SLC25A53: variants seen among roughly 807,000 people sequenced by gnomAD.
The protein encoded by SLC25A53 is mitochondrial carrier triple repeat protein 6.
SLC25A53 carries 5 observed loss-of-function variants against 15.0 expected under a neutral mutation model. The ratio of observed to expected loss-of-function variants is 0.33; its 90% CI spans 0.17 to 0.70. The LOEUF (loss-of-function observed/expected upper bound fraction) is 0.70. Ranked by LOEUF, SLC25A53 falls within the 30% of genes least tolerant of loss-of-function variation. The probability of loss-of-function intolerance (pLI) is 0.67; values close to 1 mark genes in which losing one functional copy is unlikely to be tolerated. For synonymous variants in SLC25A53, 95 were observed against 100.0 expected, an observed-to-expected ratio of 0.95 and a Z score of 0.30; for missense variants, 216 against 241.6, an observed-to-expected ratio of 0.89 and a Z score of 0.70.
At chrX:104,105,360 T>TA in intron 1 of SLC25A53, 72 bp from the exon 2 acceptor site, 1 of 744,992 alleles carries the variant, frequency 1.3e-6, no homozygotes, top group Non-Finnish European at 1.9e-6. Flanking sequence ...ATTGCTTAAT[T>TA]AGAAATGAAC....
chrX:104,116,955 T>A (rs73243852), intron 1 of SLC25A53, among the ~76,000 whole-genome samples: 121 of 95,538 alleles, frequency 1.3e-3, no homozygotes, highest in Non-Finnish European at 2.3e-3. Flanking sequence ...TCCTATCCCC[T>A]CTGCTCAATC....
chrX:104,127,908 G>C (rs1217374742), intron 1 of SLC25A53, among the ~76,000 whole-genome samples: 1 of 111,129 alleles, frequency 9.0e-6, no homozygotes, highest in Non-Finnish European at 1.9e-5. Flanking sequence ...AGATTGCAGT[G>C]AGCTGAGATC....
intron 1 of SLC25A53, among the ~76,000 whole-genome samples, chrX:104,156,520 A>C (rs1487611615): frequency 9.0e-6 from 1 of 110,823 alleles, no homozygotes; most frequent in Non-Finnish European, 1.9e-5. Flanking sequence ...TTTCCAATAA[A>C]ATCATCCTGC....
Position 104,132,853 on chromosome X carries a change from G to A in SLC25A53, c.-32+24025C>T, listed in dbSNP as rs950253281. ...TTCCACAGCAGCTGAAAACTGTGGG[G>A]ATAAAATCTTGGAATGGAGAGAGCC... On this transcript the variant is annotated intron_variant, in intron 1 of 1. Coordinates refer to ENST00000594199, the MANE Select transcript of SLC25A53 (RefSeq NM_001012755.5). 3.6e-5 allele frequency among the ~76,000 whole-genome samples: 4 copies of A among 111,763 alleles called. No individual in the cohort carries two copies. The East Asian group carries it at 8.5e-4, about 24-fold the overall frequency.
rs2075280644 is a variant in SLC25A53, at chrX:104,101,536, G to C, written c.*2798C>G. 8.9e-6 allele frequency: 1 copy of C among 112,433 alleles called. No individual in the cohort carries two copies. The highest frequency in any genetic ancestry group is 1.9e-5 in the Non-Finnish European group (1 of 53,347). 9.3% of individuals were successfully genotyped at this position (112,433 alleles called of 1,213,427 possible). On this transcript the variant is annotated 3_prime_UTR_variant, in exon 2 of 2. Transcript: ENST00000594199. ...TTTGGAAATTCTAAGGATTTTAGGA[G>C]TTGTATGCCAAGAAACAGGATCAAA...
chrX:104,099,339 T>C lies in SLC25A53; in HGVS notation c.*4995A>G, dbSNP rs1240217296. ...TATCCCAATTACCTTGATTTAATCA[T>C]TACACATTGTACACATGTATCAAAA... On this transcript the variant is annotated 3_prime_UTR_variant, in exon 2 of 2. Transcript: ENST00000594199. 2 of 112,283 alleles carry C rather than the reference T, an allele frequency of 1.8e-5. No homozygotes were observed. The highest frequency in any genetic ancestry group is 3.8e-5 in the Non-Finnish European group (2 of 53,243). 9.3% of individuals were successfully genotyped at this position (112,283 alleles called of 1,213,427 possible). A position where few individuals can be genotyped will look rare whatever the true frequency, so the allele number is the denominator to read the frequency against.
intron 1 of SLC25A53, among the ~76,000 whole-genome samples, chrX:104,121,906 T>C (rs201843010): frequency 3.1e-5 from 1 of 31,903 alleles, no homozygotes; most frequent in Admixed American, 3.4e-4. Flanking sequence ...TATATATATA[T>C]ATATATATAT....
intron 1 of SLC25A53, among the ~76,000 whole-genome samples, chrX:104,111,520 A>AT (rs2075343672): frequency 9.0e-6 from 1 of 111,722 alleles, no homozygotes; most frequent in South Asian, 3.8e-4. Context: ...AAAAAGATTA[A>AT]TAAAAAAAAT....
intron 1 of SLC25A53, among the ~76,000 whole-genome samples, chrX:104,149,212 T>C (rs1181997233): frequency 3.6e-5 from 4 of 112,444 alleles, no homozygotes; most frequent in Non-Finnish European, 7.5e-5. Context: ...TTCAATCCTT[T>C]TATGTTAACC....
At chrX:104,151,469 ACTTGATGCAAGGACT>A (rs2075484594) in intron 1 of SLC25A53, among the ~76,000 whole-genome samples, 1 of 111,623 alleles carries the variant, frequency 9.0e-6, no homozygotes, top group Admixed American at 9.6e-5. Flanking sequence ...GTTCTCACTC[ACTTGATGCAAGGACT>A]CTTACCCTCA....
intron 1 of SLC25A53, among the ~76,000 whole-genome samples, chrX:104,152,499 G>A (rs782671935): frequency 1.3e-4 from 14 of 110,237 alleles, no homozygotes; most frequent in Admixed American, 9.7e-4. Flanking sequence ...GTACAATGGC[G>A]CGATCTCGGC....
Position 104,105,095 on chromosome X carries a change from G to T in SLC25A53, c.163C>A (p.Gln55Lys). 8.2e-7 allele frequency: 1 copy of T among 1,212,259 alleles called. No homozygotes were observed. The highest frequency in any genetic ancestry group is 1.1e-6 in the Non-Finnish European group (1 of 895,658). ...TFPIYKVVFR[Q>K]QIHAMAVSEA... is the part of the protein sequence containing the mutation. ...GACACTGCCATGGCATGGATCTGTT[G>T]CCGGAACACAACCTTATAGATAGGA... Residue 55 changes from glutamine (Q) to lysine (K), a missense_variant, in exon 2 of 2, where the codon CAA becomes AAA. Gln to Lys is a moderately conservative substitution (Grantham distance 53). Coordinates refer to ENST00000594199, the MANE Select transcript of SLC25A53 (RefSeq NM_001012755.5).
intron 1 of SLC25A53, chrX:104,114,560 T>C: frequency 8.3e-7 from 1 of 1,211,691 alleles, no homozygotes; most frequent in Non-Finnish European, 1.1e-6. Context: ...CTTTATGTGA[T>C]CCGTTTAGAG....
At chrX:104,121,780 T>C (rs1164146472) in intron 1 of SLC25A53, among the ~76,000 whole-genome samples, 1 of 103,504 alleles carries the variant, frequency 9.7e-6, no homozygotes, top group Non-Finnish European at 2.0e-5. Context: ...TCATTCAGCT[T>C]CAAGAATTAT....
chrX:104,138,018 C>T (rs1267307888), intron 1 of SLC25A53, among the ~76,000 whole-genome samples: 2 of 112,251 alleles, frequency 1.8e-5, no homozygotes, highest in East Asian at 2.8e-4. Flanking sequence ...AATTTCAGAA[C>T]GCATTCAAAA....
chrX:104,148,050 C>G lies in SLC25A53; in HGVS notation c.-32+8828G>C, dbSNP rs1319257822. Among the ~76,000 whole-genome samples the G allele has an allele frequency of 9.1e-4, 101 of 110,969 alleles. 1 individual carries two copies. The highest frequency in any genetic ancestry group is 2.8e-4 in the Non-Finnish European group (15 of 52,956). ...ACAATAGCAAAGACTTGGAACCAAC[C>G]CAAATGTCCAACAATGATAGACTGG... On this transcript the variant is annotated intron_variant, in intron 1 of 1. Coordinates refer to ENST00000594199, the MANE Select transcript of SLC25A53 (RefSeq NM_001012755.5).
intron 1 of SLC25A53, among the ~76,000 whole-genome samples, chrX:104,144,931 G>A (rs1396032805): frequency 9.0e-6 from 1 of 111,417 alleles, no homozygotes; most frequent in East Asian, 2.8e-4. Flanking sequence ...GGATATCCAG[G>A]ACTTGAACTC....
chrX:104,114,669 G>A, intron 1 of SLC25A53: 1 of 1,211,939 alleles, frequency 8.3e-7, no homozygotes, highest in Non-Finnish European at 1.1e-6. Context: ...AGCTGAATAG[G>A]GACCTGCGCT....
At chrX:104,155,336 G>A (rs1307741380) in intron 1 of SLC25A53, among the ~76,000 whole-genome samples, 3 of 110,654 alleles carry the variant, frequency 2.7e-5, no homozygotes, top group Non-Finnish European at 3.8e-5. Context: ...ATGGCCCCAT[G>A]TCCAGGAGTA....
Sources: gnomAD v4.1 joint callset for allele counts (sites outside exome capture counted in the v4.1 genomes callset) on GRCh38, gnomAD v4.1.1 for gene constraint, MANE v1.5 for transcripts, NCBI Gene and HGNC (gene_info 2026-07-23, HGNC 2026-07-21) for gene names.